RBFOX1: variants seen among roughly 807,000 people sequenced by gnomAD.
RBFOX1 encodes RNA binding protein fox-1 homolog 1.
In RBFOX1, 8 loss-of-function variants were observed where a neutral mutation model predicts 57.7. The ratio of observed to expected loss-of-function variants is 0.14; its 90% CI spans 0.08 to 0.25. RBFOX1 has a LOEUF of 0.25. RBFOX1 is among the 10% of genes least tolerant of loss of function. The probability of loss-of-function intolerance (pLI) is 1.00; values close to 1 mark genes in which losing one functional copy is unlikely to be tolerated. For synonymous variants in RBFOX1, 326 were observed against 222.4 expected, an observed-to-expected ratio of 1.47 and a Z score of -4.15; for missense variants, 611 against 548.5, an observed-to-expected ratio of 1.11 and a Z score of -1.14.
chr16:6,984,519 A>G (rs2089778686), intron 3 of RBFOX1, among the ~76,000 whole-genome samples: 1 of 152,176 alleles, frequency 6.6e-6, no homozygotes, highest in Non-Finnish European at 1.5e-5. Flanking sequence ...CCTCACCTTT[A>G]GTAGTCACTA....
intron 1 of RBFOX1, among the ~76,000 whole-genome samples, chr16:6,182,250 C>T (rs924098981): frequency 1.3e-5 from 2 of 152,164 alleles, no homozygotes; most frequent in African/African-American, 4.8e-5. Context: ...AGATTAGGAA[C>T]TGGAAATATT....
At chr16:7,279,787 A>T (rs567430683) in intron 4 of RBFOX1, among the ~76,000 whole-genome samples, 1 of 152,284 alleles carries the variant, frequency 6.6e-6, no homozygotes, top group South Asian at 2.1e-4. Flanking sequence ...TCTTTCTCTT[A>T]TGTGAAATCC....
At chr16:5,851,298 C>T (rs1294543519) in intron 3 of RBFOX1, among the ~76,000 whole-genome samples, 2 of 152,184 alleles carry the variant, frequency 1.3e-5, no homozygotes, top group Non-Finnish European at 2.9e-5. Flanking sequence ...ATGCTCTGCC[C>T]AGTGTGCAGT....
In RBFOX1 at chr16:7,173,122, A is replaced by G. The variant is rs188057955; in HGVS notation, c.27+121024A>G. On this transcript the variant is annotated intron_variant, in intron 4 of 15. Coordinates refer to ENST00000550418, the MANE Select transcript of RBFOX1 (RefSeq NM_018723.4). ...GGTTTAGTATCAGACATACTTTTTG[A>G]TTATTCATATTTCATAAAATCTTAT... 2.4e-3 allele frequency among the ~76,000 whole-genome samples: 373 copies of G among 152,284 alleles called. 2 individuals are homozygous for G. The highest frequency in any genetic ancestry group is 1.2e-3 in the Non-Finnish European group (85 of 68,018).
intron 3 of RBFOX1, among the ~76,000 whole-genome samples, chr16:5,773,194 T>C (rs1046622905): frequency 6.6e-6 from 1 of 152,132 alleles, no homozygotes; most frequent in Non-Finnish European, 1.5e-5. Context: ...GGGATAAGTA[T>C]AGAAGCAGGG....
chr16:6,113,695 C>G (rs2096469053), intron 1 of RBFOX1, among the ~76,000 whole-genome samples: 2 of 152,250 alleles, frequency 1.3e-5, no homozygotes, highest in East Asian at 1.9e-4. Context: ...GAAGCTGAAA[C>G]TGGACCTTGG....
chr16:5,306,867 T>C (rs1213701709), intron 1 of RBFOX1, among the ~76,000 whole-genome samples: 1 of 152,158 alleles, frequency 6.6e-6, no homozygotes, highest in Non-Finnish European at 1.5e-5. Flanking sequence ...TGTTCTCTGC[T>C]ATCATCAGGA....
At chr16:7,062,918 T>TTTTTTTTTTTTTTTTTTTTTC (rs2054902999) in intron 4 of RBFOX1, among the ~76,000 whole-genome samples, 1 of 140,072 alleles carries the variant, frequency 7.1e-6, no homozygotes, top group African/African-American at 2.8e-5. Flanking sequence ...TTTTTTTTTT[T>TTTTTTTTTTTTTTTTTTTTTC]TTTTTTTTTT....
chr16:6,449,155 A>G (rs1258204350), intron 2 of RBFOX1, among the ~76,000 whole-genome samples: 1 of 152,174 alleles, frequency 6.6e-6, no homozygotes, highest in Non-Finnish European at 1.5e-5. Context: ...CAAGGAGGAG[A>G]GAGGAATGGA....
rs2077801085 is a variant in RBFOX1, at chr16:6,768,767, TC to T, written c.-16+114118del. Reference sequence around the variant, plus strand: ...TTTTTTTTTTTTGAGACTTGCTTTGTCGCCAGGTTGGAGTGCAATGGGGCGA... The same window carrying T: ...TTTTTTTTTTTTGAGACTTGCTTTGTGCCAGGTTGGAGTGCAATGGGGCGA... On this transcript the variant is annotated intron_variant, in intron 3 of 15. Coordinates refer to ENST00000550418, the MANE Select transcript of RBFOX1 (RefSeq NM_018723.4). Among the ~76,000 whole-genome samples the T allele has an allele frequency of 3.7e-5, 5 of 133,432 alleles. No homozygotes were observed. In the Admixed American group the frequency reaches 4.2e-4, roughly 11 times the overall value. The allele number at this position is 133,432 out of a possible 152,430, so 87.5% of individuals were successfully genotyped here. A position where few individuals can be genotyped will look rare whatever the true frequency, so the allele number is the denominator to read the frequency against.
intron 4 of RBFOX1, among the ~76,000 whole-genome samples, chr16:7,416,748 A>G (rs887706429): frequency 6.6e-6 from 1 of 152,088 alleles, no homozygotes; most frequent in Non-Finnish European, 1.5e-5. Context: ...CTTTCCACAT[A>G]TATGTGGACA....
At chr16:7,675,977 T>C (rs138398925) in intron 13 of RBFOX1, among the ~76,000 whole-genome samples, 1 of 152,348 alleles carries the variant, frequency 6.6e-6, no homozygotes, top group Non-Finnish European at 1.5e-5. Flanking sequence ...ACAATTCCTT[T>C]TGAATATGCC....
At chr16:6,261,875 A>G (rs1018050809) in intron 1 of RBFOX1, among the ~76,000 whole-genome samples, 2 of 151,608 alleles carry the variant, frequency 1.3e-5, no homozygotes, top group Non-Finnish European at 2.9e-5. Flanking sequence ...CAAAAACAAA[A>G]AAAACCTAGC....
At chr16:7,535,440 A>G (rs1249177144) in intron 5 of RBFOX1, among the ~76,000 whole-genome samples, 1 of 152,234 alleles carries the variant, frequency 6.6e-6, no homozygotes, top group Non-Finnish European at 1.5e-5. Flanking sequence ...AGATGCAAAC[A>G]GTGTTTGATA....
intron 3 of RBFOX1, among the ~76,000 whole-genome samples, chr16:6,661,990 A>G (rs911645201): frequency 3.3e-5 from 5 of 152,320 alleles, no homozygotes; most frequent in African/African-American, 1.2e-4. Flanking sequence ...AACAAGATAG[A>G]TGAACCTAGA....
chr16:5,526,816 C>T (rs1411874441), intron 2 of RBFOX1, among the ~76,000 whole-genome samples: 2 of 152,120 alleles, frequency 1.3e-5, no homozygotes, highest in African/African-American at 4.8e-5. Flanking sequence ...AGGCAGGAAG[C>T]GTGTTATTGT....
intron 3 of RBFOX1, among the ~76,000 whole-genome samples, chr16:5,857,393 A>G (rs752344658): frequency 6.6e-6 from 1 of 152,210 alleles, no homozygotes; most frequent in Admixed American, 6.5e-5. Context: ...CCACAGAGAC[A>G]TGAGGTATAC....
At chr16:7,045,458 C>A (rs118055684) in intron 3 of RBFOX1, among the ~76,000 whole-genome samples, 3 of 152,218 alleles carry the variant, frequency 2.0e-5, no homozygotes, top group Non-Finnish European at 4.4e-5. Context: ...GACAGCATGG[C>A]TATTTCCTTG....
In RBFOX1 at chr16:7,260,880, G is replaced by A. The variant is rs1004208002; in HGVS notation, c.27+208782G>A. On this transcript the variant is annotated intron_variant, in intron 4 of 15. Coordinates refer to ENST00000550418, the MANE Select transcript of RBFOX1 (RefSeq NM_018723.4). ...ACCCCTATCTAATTAAGAGCTGGGGGAGTTCTGATGCAGTCACTGGGGTTG... is the reference window on the plus strand; with the variant it reads ...ACCCCTATCTAATTAAGAGCTGGGGAAGTTCTGATGCAGTCACTGGGGTTG... Among the ~76,000 whole-genome samples the A allele has an allele frequency of 2.6e-5, 4 of 152,272 alleles. No homozygotes were observed. In the East Asian group the frequency reaches 5.8e-4, roughly 22 times the overall value.
Sources: allele counts gnomAD v4.1 joint callset (sites outside exome capture counted in the v4.1 genomes callset), GRCh38; gene constraint gnomAD v4.1.1; transcripts MANE v1.5; gene names NCBI Gene and HGNC (gene_info 2026-07-23, HGNC 2026-07-21).